Variants in C10orf143 observed in about 807,000 individuals in gnomAD.
C10orf143 encodes chromosome 10 open reading frame 143.
At chr10:130,093,487 C>A (rs543310584) in intron 1 of C10orf143, among the ~76,000 whole-genome samples, 13 of 152,146 alleles carry the variant, frequency 8.5e-5, no homozygotes, top group African/African-American at 3.1e-4. Flanking sequence ...GACATCCTAC[C>A]ATCACAATTA....
At chr10:130,087,291 C>A (rs1000224646) in intron 1 of C10orf143, among the ~76,000 whole-genome samples, 1 of 152,102 alleles carries the variant, frequency 6.6e-6, no homozygotes, top group Admixed American at 6.5e-5. Flanking sequence ...TGTCAGCCTT[C>A]GCAAAGGCAG....
chr10:130,107,335 A>G (rs771846813), intron 1 of C10orf143: 8 of 1,057,626 alleles, frequency 7.6e-6, no homozygotes, highest in Non-Finnish European at 1.2e-5. Flanking sequence ...AGACCTACAG[A>G]CAGCGAGCCA....
At chr10:130,045,202 G>C (rs907139518) in intron 3 of C10orf143, among the ~76,000 whole-genome samples, 1 of 152,226 alleles carries the variant, frequency 6.6e-6, no homozygotes, top group Non-Finnish European at 1.5e-5. Context: ...GCCACCTGGC[G>C]CCTCCAAATG....
At chr10:130,042,665 T>G in intron 3 of C10orf143, among the ~76,000 whole-genome samples, 1 of 152,178 alleles carries the variant, frequency 6.6e-6, no homozygotes, top group Non-Finnish European at 1.5e-5. Context: ...TGGATCCACC[T>G]CTCCGTCCTT....
At chr10:130,086,084 C>T (rs565194014) in intron 1 of C10orf143, among the ~76,000 whole-genome samples, 9 of 152,226 alleles carry the variant, frequency 5.9e-5, no homozygotes, top group East Asian at 1.9e-4. Context: ...GCCAATATCC[C>T]GCTTAAAATA....
chr10:130,087,812 G>A (rs1030594538), intron 1 of C10orf143, among the ~76,000 whole-genome samples: 3 of 152,148 alleles, frequency 2.0e-5, no homozygotes, highest in Admixed American at 2.0e-4. Flanking sequence ...CAGAGAACAC[G>A]GAGCAGGGTG....
At chr10:130,058,727 C>T (rs1418123658) in intron 3 of C10orf143, among the ~76,000 whole-genome samples, 5 of 151,976 alleles carry the variant, frequency 3.3e-5, no homozygotes, top group South Asian at 4.1e-4. Flanking sequence ...AAATGTACCA[C>T]GTGTCTGTGT....
At chr10:130,042,113 C>T (rs944272222) in intron 3 of C10orf143, among the ~76,000 whole-genome samples, 1 of 152,236 alleles carries the variant, frequency 6.6e-6, no homozygotes, top group Non-Finnish European at 1.5e-5. Flanking sequence ...TGTGCACACC[C>T]ATACATACAC....
At chr10:130,100,541 C>A (rs1357610182) in intron 1 of C10orf143, among the ~76,000 whole-genome samples, 3 of 152,004 alleles carry the variant, frequency 2.0e-5, no homozygotes, top group Non-Finnish European at 4.4e-5. Context: ...TGCCAAAGAA[C>A]AGACACAGAT....
intron 1 of C10orf143, among the ~76,000 whole-genome samples, chr10:130,085,642 T>C (rs576874819): frequency 6.6e-6 from 1 of 152,216 alleles, no homozygotes; most frequent in South Asian, 2.1e-4. Flanking sequence ...TTAACAGTAC[T>C]ACACCAACAT....
At chr10:130,082,592 T>C (rs1861227332) in intron 1 of C10orf143, among the ~76,000 whole-genome samples, 1 of 152,230 alleles carries the variant, frequency 6.6e-6, no homozygotes, top group Non-Finnish European at 1.5e-5. Flanking sequence ...TCATTCTCTC[T>C]CATGCCTGCT....
At chr10:130,058,814 T>TG (rs1324419933) in intron 3 of C10orf143, among the ~76,000 whole-genome samples, 5 of 152,078 alleles carry the variant, frequency 3.3e-5, no homozygotes, top group Non-Finnish European at 7.4e-5. Flanking sequence ...ACACTTTATG[T>TG]GGGTTTTTTT....
chr10:130,049,690 C>T (rs904359020), intron 3 of C10orf143, among the ~76,000 whole-genome samples: 2 of 152,154 alleles, frequency 1.3e-5, no homozygotes, highest in South Asian at 2.1e-4. Flanking sequence ...ACTTTGTTGT[C>T]GCTGCTACCA....
Position 130,050,307 on chromosome 10 carries a change from C to T in C10orf143, c.298-14337G>A, listed in dbSNP as rs553748487. Among the ~76,000 whole-genome samples the T allele has an allele frequency of 7.2e-5, 11 of 152,356 alleles. No individual in the cohort carries two copies. The East Asian group carries it at 1.2e-3, about 16-fold the overall frequency. ...AGGTTCAGCTGGGTGCAGTGGCTCA[C>T]GCCTGCAATCCCAGCACTTTGGGAA... is the stretch of plus-strand genomic sequence containing the variant. On this transcript the variant is annotated intron_variant and NMD_transcript_variant, in intron 3 of 5. Transcript: ENST00000643056.
chr10:130,062,154 GA>G (rs1327478181), downstream of C10orf143, among the ~76,000 whole-genome samples: 1 of 152,156 alleles, frequency 6.6e-6, no homozygotes, highest in Non-Finnish European at 1.5e-5. Flanking sequence ...AAAACACCAA[GA>G]AAATGTTGCC....
chr10:130,039,475 C>G (rs555704666), intron 3 of C10orf143, among the ~76,000 whole-genome samples: 1 of 152,116 alleles, frequency 6.6e-6, no homozygotes, highest in Non-Finnish European at 1.5e-5. Flanking sequence ...AGAGAGCAAA[C>G]GTGCCCTCCT....
intron 3 of C10orf143, among the ~76,000 whole-genome samples, chr10:130,037,239 C>T (rs554856340): frequency 7.9e-5 from 12 of 152,174 alleles, no homozygotes; most frequent in Non-Finnish European, 1.6e-4. Context: ...TCACCAAGGC[C>T]GGGCCGCCGC....
chr10:130,100,090 C>CA (rs1404331660), intron 1 of C10orf143, among the ~76,000 whole-genome samples: 1 of 151,784 alleles, frequency 6.6e-6, no homozygotes, highest in Non-Finnish European at 1.5e-5. Flanking sequence ...CCCAACACAG[C>CA]CTCCCAAAGT....
intron 1 of C10orf143, chr10:130,108,220 G>C (rs774667559): frequency 6.4e-7 from 1 of 1,555,070 alleles, no homozygotes; most frequent in South Asian, 1.1e-5. Context: ...CAGGAACCAG[G>C]TTTGGAGCTT....
Sources: gnomAD v4.1 joint callset for allele counts (sites outside exome capture counted in the v4.1 genomes callset) on GRCh38, gnomAD v4.1.1 for gene constraint, MANE v1.5 for transcripts, NCBI Gene and HGNC (gene_info 2026-07-23, HGNC 2026-07-21) for gene names.